The following PLEKHH2 variants were observed in gnomAD, a reference collection of about 807,000 sequenced individuals.
PLEKHH2 encodes the protein pleckstrin homology, MyTH4 and FERM domain containing H2.
PLEKHH2 carries 129 observed loss-of-function variants against 187.9 expected under a neutral mutation model. The ratio of observed to expected loss-of-function variants is 0.69; its 90% CI spans 0.59 to 0.79. The LOEUF (loss-of-function observed/expected upper bound fraction) is 0.79, where lower values mean the gene tolerates loss of function less well. Ranked by LOEUF, PLEKHH2 falls within the 30% of genes least tolerant of loss-of-function variation. PLEKHH2 has a pLI of 0.00. For missense variants in PLEKHH2, 2,076 were observed against 1,751.2 expected, an observed-to-expected ratio of 1.19 and a Z score of -3.31; for synonymous variants, 686 against 605.6, an observed-to-expected ratio of 1.13 and a Z score of -1.95.
intron 1 of PLEKHH2, among the ~76,000 whole-genome samples, chr2:43,640,076 TCATCCCTTGGCATATGACCC>T (rs1489525186): frequency 1.3e-4 from 20 of 152,170 alleles, no homozygotes; most frequent in African/African-American, 4.1e-4. Context: ...GATGTGTATT[TCATCCCTTGGCATATGACCC>T]CATCCCTTGG....
intron 3 of PLEKHH2, among the ~76,000 whole-genome samples, chr2:43,688,765 G>A (rs1572559213): frequency 6.6e-6 from 1 of 152,170 alleles, no homozygotes; most frequent in African/African-American, 2.4e-5. Flanking sequence ...GAGAAATCAG[G>A]TATGAGCTTC....
At chr2:43,683,784 C>T (rs574298230) in intron 3 of PLEKHH2, among the ~76,000 whole-genome samples, 1 of 148,160 alleles carries the variant, frequency 6.7e-6, no homozygotes, top group Non-Finnish European at 1.5e-5. Context: ...CTCTCTCTCT[C>T]TTTTTTTTTT....
chr2:43,750,063 C>T (rs1157695695), intron 24 of PLEKHH2, among the ~76,000 whole-genome samples: 1 of 152,052 alleles, frequency 6.6e-6, no homozygotes, highest in African/African-American at 2.4e-5. Context: ...TTGTAAGAGC[C>T]AAGGCATGTT....
chr2:43,733,182 G>A (rs1319988976), intron 19 of PLEKHH2, among the ~76,000 whole-genome samples: 1 of 152,074 alleles, frequency 6.6e-6, no homozygotes, highest in Non-Finnish European at 1.5e-5. Flanking sequence ...CTAACACCAT[G>A]AAACCCTGTC....
At position 43,726,440 on chromosome 2, in the gene PLEKHH2, A is replaced by G. The variant is rs1185666275; in HGVS notation, c.2710A>G (p.Lys904Glu). ...QGPTYLLIGS[K>E]HEKDTWLYHL... Reference sequence around the variant, plus strand: ...TCCAACTTACCTCCTAATTGGATCCAAGCATGAAAAGGTATTCAAAGACTT... The same window carrying G: ...TCCAACTTACCTCCTAATTGGATCCGAGCATGAAAAGGTATTCAAAGACTT... Residue 904 changes from lysine (K) to glutamate (E), a missense_variant, in exon 17 of 30, where the codon AAG (lysine) becomes GAG (glutamate). Lys to Glu is a moderately conservative substitution (Grantham distance 56, BLOSUM62 1). Coordinates refer to ENST00000282406, the MANE Select transcript of PLEKHH2 (RefSeq NM_172069.4). 1 of 1,603,876 alleles carries G rather than the reference A, an allele frequency of 6.2e-7. No individual in the cohort carries two copies. Among genetic ancestry groups the G allele is most frequent in the Non-Finnish European group, 8.5e-7 (1 of 1,170,892 alleles).
intron 2 of PLEKHH2, among the ~76,000 whole-genome samples, chr2:43,660,566 CCACT>C (rs1667020463): frequency 6.8e-6 from 1 of 147,142 alleles, no homozygotes; most frequent in African/African-American, 2.6e-5. Context: ...TGCGCTGCAC[CCACT>C]AACTCGTCAT....
chr2:43,748,273 T>C (rs535687479), intron 24 of PLEKHH2, among the ~76,000 whole-genome samples: 3 of 152,316 alleles, frequency 2.0e-5, no homozygotes, highest in African/African-American at 7.2e-5. Context: ...GATTTTAAAA[T>C]CATGCATTCC....
At chr2:43,720,258 C>T (rs1670417880) in intron 15 of PLEKHH2, among the ~76,000 whole-genome samples, 2 of 150,932 alleles carry the variant, frequency 1.3e-5, no homozygotes, top group African/African-American at 4.9e-5. Context: ...ACTTGCCATT[C>T]TACTACTGTT....
chr2:43,719,080 C>G (rs186991994), intron 15 of PLEKHH2, among the ~76,000 whole-genome samples: 1 of 152,176 alleles, frequency 6.6e-6, no homozygotes, highest in African/African-American at 2.4e-5. Context: ...TTGGTTCTCA[C>G]AACAGCCCAG....
chr2:43,637,683 C>T (rs976127173), intron 1 of PLEKHH2, among the ~76,000 whole-genome samples: 1 of 152,126 alleles, frequency 6.6e-6, no homozygotes, highest in African/African-American at 2.4e-5. Flanking sequence ...ACACTGGGCC[C>T]GGGCTTCTGG....
chr2:43,697,666 T>A (rs1669156088), intron 7 of PLEKHH2, among the ~76,000 whole-genome samples: 1 of 152,246 alleles, frequency 6.6e-6, no homozygotes, highest in South Asian at 2.1e-4. Flanking sequence ...TTGTTTTAGC[T>A]GAGTTTCAGA....
intron 3 of PLEKHH2, among the ~76,000 whole-genome samples, chr2:43,683,932 G>T (rs1188204509): frequency 6.6e-6 from 1 of 152,078 alleles, no homozygotes; most frequent in Non-Finnish European, 1.5e-5. Flanking sequence ...GAAGTACAGA[G>T]CTTTCATATA....
At chr2:43,693,418 A>C (rs1412257986) in intron 4 of PLEKHH2, among the ~76,000 whole-genome samples, 2 of 152,140 alleles carry the variant, frequency 1.3e-5, no homozygotes, top group Non-Finnish European at 2.9e-5. Context: ...TTTTTGAACC[A>C]CTTTATTGGA....
At chr2:43,718,204 T>C (rs1004073161) in intron 15 of PLEKHH2, among the ~76,000 whole-genome samples, 1 of 152,194 alleles carries the variant, frequency 6.6e-6, no homozygotes, top group Non-Finnish European at 1.5e-5. Context: ...ATTCTTCCAG[T>C]ATAATTTGTT....
intron 2 of PLEKHH2, among the ~76,000 whole-genome samples, chr2:43,648,399 G>C (rs972038877): frequency 5.9e-5 from 9 of 152,228 alleles, no homozygotes; most frequent in Admixed American, 3.9e-4. Context: ...ATATTGGCCA[G>C]GATGGTCTCG....
At chr2:43,676,466 G>A (rs1017199958) in intron 2 of PLEKHH2, 2 of 641,896 alleles carry the variant, frequency 3.1e-6, no homozygotes, top group South Asian at 2.1e-5. Flanking sequence ...CGTAGAGAAG[G>A]GGGCGGGGCA....
chr2:43,648,786 G>A (rs2104340895), intron 2 of PLEKHH2, among the ~76,000 whole-genome samples: 1 of 151,102 alleles, frequency 6.6e-6, no homozygotes, highest in African/African-American at 2.4e-5. Context: ...CACCATGTTG[G>A]CCAGGCTGGT....
chr2:43,754,203 C>CA lies in PLEKHH2; in HGVS notation c.3795+444dup, dbSNP rs1472842755. 8.5e-4 allele frequency among the ~76,000 whole-genome samples: 121 copies of CA among 142,738 alleles called. 1 individual carries two copies. Among genetic ancestry groups the CA allele is most frequent in the Middle Eastern group, 3.5e-3 (1 of 288 alleles). 93.6% of individuals were successfully genotyped at this position (142,738 alleles called of 152,430 possible). A position where few individuals can be genotyped will look rare whatever the true frequency, so the allele number is the denominator to read the frequency against. ...ACACACACACACACACACACACACA[C>CA]ACAAAATTAATACTGACTTAATCAG... On this transcript the variant is annotated intron_variant, in intron 25 of 29. Coordinates refer to ENST00000282406, the MANE Select transcript of PLEKHH2 (RefSeq NM_172069.4).
At chr2:43,691,386 T>C (rs747513878) in intron 3 of PLEKHH2, among the ~76,000 whole-genome samples, 24 of 152,190 alleles carry the variant, frequency 1.6e-4, no homozygotes, top group Admixed American at 3.3e-4. Flanking sequence ...TGCGTGCTGA[T>C]TGGCTTGTGA....
Sources: gnomAD v4.1 joint callset for allele counts (sites outside exome capture counted in the v4.1 genomes callset) on GRCh38, gnomAD v4.1.1 for gene constraint, MANE v1.5 for transcripts, NCBI Gene and HGNC (gene_info 2026-07-23, HGNC 2026-07-21) for gene names.